Variants in DNAI1 observed in about 807,000 individuals in gnomAD.
DNAI1 encodes dynein axonemal intermediate chain 1.
Under a neutral mutation model 92.0 loss-of-function variants are expected in DNAI1, and 67 were observed. That is an observed-to-expected ratio of 0.73 (90% CI 0.60 to 0.89). The LOEUF (loss-of-function observed/expected upper bound fraction) is 0.89, where lower values mean the gene tolerates loss of function less well. Ranked by LOEUF, DNAI1 falls within the 40% of genes least tolerant of loss-of-function variation. The probability of loss-of-function intolerance (pLI) is 0.00; values close to 1 mark genes in which losing one functional copy is unlikely to be tolerated. For missense variants in DNAI1, 839 were observed against 866.6 expected (o/e 0.97, Z 0.40); for synonymous variants, 323 against 319.6 (o/e 1.01, Z -0.11).
In DNAI1 at chr9:34,490,081, T is replaced by A. The variant is rs2132061817; in HGVS notation, c.458T>A (p.Leu153Ter). The change falls in exon 6 of 20, where the codon TTA becomes TAA. Residue 153 changes from leucine (L) to a stop codon, truncating the protein, a stop_gained. Coordinates refer to ENST00000242317, the MANE Select transcript of DNAI1 (RefSeq NM_012144.4). LOFTEE classifies it high-confidence loss of function. ...NLEEDEEPKE[L>*]ETEPGSQTDV... Reference sequence around the variant, plus strand: ...GAAGAAGACGAAGAGCCCAAGGAGTTAGAAACTGAGCCTGGGAGTCAAACA... The same window carrying A: ...GAAGAAGACGAAGAGCCCAAGGAGTAAGAAACTGAGCCTGGGAGTCAAACA... 6.2e-7 allele frequency: 1 copy of A among 1,614,030 alleles called. No homozygotes were observed. Among genetic ancestry groups the A allele is most frequent in the African/African-American group, 1.3e-5 (1 of 75,014 alleles).
chr9:34,491,260 C>G, intron 7 of DNAI1: 1 of 597,802 alleles, frequency 1.7e-6, no homozygotes, highest in South Asian at 1.9e-5. Context: ...CACAGTCAGG[C>G]TTCCCTGCCC....
chr9:34,473,688 ATTGG>A (rs369367980), intron 1 of DNAI1, among the ~76,000 whole-genome samples: 428 of 151,994 alleles, frequency 2.8e-3, no homozygotes, highest in African/African-American at 9.4e-3. Flanking sequence ...AATACAATAT[ATTGG>A]TTGGTTGGTT....
chr9:34,501,826 A>T (rs1824837176), intron 12 of DNAI1, among the ~76,000 whole-genome samples: 1 of 152,112 alleles, frequency 6.6e-6, no homozygotes, highest in South Asian at 2.1e-4. Context: ...TGCTATCCAG[A>T]GTGTGCCCGC....
chr9:34,479,624 G>A (rs544665388), intron 1 of DNAI1, among the ~76,000 whole-genome samples: 5 of 152,180 alleles, frequency 3.3e-5, no homozygotes, highest in Non-Finnish European at 7.4e-5. Context: ...TGTGGTTTGG[G>A]TTGGGATTGG....
At chr9:34,517,095 T>C (rs1439658466) in intron 18 of DNAI1, among the ~76,000 whole-genome samples, 190 bp from the exon 19 acceptor site, 1 of 152,092 alleles carries the variant, frequency 6.6e-6, no homozygotes, top group African/African-American at 2.4e-5. Flanking sequence ...TCCTAAACTT[T>C]TTAATTCTCA....
chr9:34,458,888 C>G lies in DNAI1; in HGVS notation c.-118C>G. The G allele has an allele frequency of 3.4e-6, 3 of 877,106 alleles. No individual in the cohort carries two copies. Among genetic ancestry groups the G allele is most frequent in the Non-Finnish European group, 5.8e-6 (3 of 521,480 alleles). The allele number at this position is 877,106 out of a possible 1,614,324, so 54.3% of individuals were successfully genotyped here. The stretch of plus-strand genomic sequence containing the variant: ...ACAACGACGGCTGTCCCTAAAGAAC[C>G]GTTGCGACTGGTAACTGAAGTGGAA... On this transcript the variant is annotated 5_prime_UTR_variant, in exon 1 of 20. Transcript: ENST00000242317. The surrounding 1 kb of genome is among the most constrained non-coding windows in gnomAD (Gnocchi z 6.6).
chr9:34,464,182 A>C (rs1823996987), intron 1 of DNAI1, among the ~76,000 whole-genome samples: 1 of 152,116 alleles, frequency 6.6e-6, no homozygotes, highest in South Asian at 2.1e-4. Context: ...GTCTTCCCTC[A>C]TTCACTCGTG....
At chr9:34,500,582 C>T in intron 10 of DNAI1, 140 bp from the exon 11 acceptor site, 1 of 686,644 alleles carries the variant, frequency 1.5e-6, no homozygotes, top group Non-Finnish European at 2.7e-6. Context: ...CAACAGAACT[C>T]TGAGATAGGT....
intron 9 of DNAI1, among the ~76,000 whole-genome samples, chr9:34,496,273 C>G (rs940757005): frequency 2.6e-5 from 4 of 152,210 alleles, no homozygotes; most frequent in Non-Finnish European, 4.4e-5. Flanking sequence ...CGCTACCTGA[C>G]GCTGCTGTTT....
At chr9:34,480,555 C>T (rs1005391266) in intron 1 of DNAI1, among the ~76,000 whole-genome samples, 1 of 152,164 alleles carries the variant, frequency 6.6e-6, no homozygotes, top group Non-Finnish European at 1.5e-5. Context: ...GCATGAGCCA[C>T]CGCGCCTGGC....
chr9:34,467,619 G>C (rs960546112), intron 1 of DNAI1, among the ~76,000 whole-genome samples: 5 of 152,042 alleles, frequency 3.3e-5, no homozygotes, highest in African/African-American at 1.2e-4. Context: ...GGGCAACAGA[G>C]TGAGAACCTG....
Position 34,485,510 on chromosome 9 carries a change from G to A in DNAI1, c.254G>A (p.Ser85Asn). 1 of 1,614,094 alleles carries A rather than the reference G, an allele frequency of 6.2e-7. No homozygotes were observed. Among genetic ancestry groups the A allele is most frequent in the East Asian group, 2.2e-5 (1 of 44,878 alleles). ...PHAPQNIVRY[S>N]FKEGTYKPIG... ...GCACCCCAGAACATTGTCAGGTACA[G>A]CTTCAAAGTAAGTCATCCCCTCCTG... The change falls in exon 4 of 20, where the codon AGC becomes AAC. Residue 85 changes from serine (S) to asparagine (N), a missense_variant. Transcript: ENST00000242317.
rs1564031605 is a variant in DNAI1, at chr9:34,485,522, G to C, written c.261+5G>C. ...ATTGTCAGGTACAGCTTCAAAGTAAGTCATCCCCTCCTGGGCAGGGGCATC... is the reference window on the plus strand; with the variant it reads ...ATTGTCAGGTACAGCTTCAAAGTAACTCATCCCCTCCTGGGCAGGGGCATC... On this transcript the variant is annotated splice_donor_5th_base_variant and intron_variant, in intron 4 of 19. Coordinates refer to ENST00000242317, the MANE Select transcript of DNAI1 (RefSeq NM_012144.4). 6.2e-7 allele frequency: 1 copy of C among 1,614,020 alleles called. No individual in the cohort carries two copies. Among genetic ancestry groups the C allele is most frequent in the Non-Finnish European group, 8.5e-7 (1 of 1,179,952 alleles).
intron 18 of DNAI1, 82 bp downstream of exon 18, chr9:34,514,821 A>T: frequency 1.4e-6 from 2 of 1,445,076 alleles, no homozygotes; most frequent in Middle Eastern, 3.5e-4. Flanking sequence ...TGGAGAACCC[A>T]TCCCATGCCT....
chr9:34,469,287 A>G, intron 1 of DNAI1, among the ~76,000 whole-genome samples: 1 of 126,772 alleles, frequency 7.9e-6, no homozygotes. Context: ...TTTTTTTGAG[A>G]CAAGGTCCCA....
At chr9:34,500,693 AG>A (rs1224696518) in intron 10 of DNAI1, 28 bp from the exon 11 acceptor site, 5 of 1,567,216 alleles carry the variant, frequency 3.2e-6, no homozygotes, top group Non-Finnish European at 4.4e-6. Context: ...CGGCAGTCCC[AG>A]GGCTGACTCT....
chr9:34,491,681 C>T lies in DNAI1; in HGVS notation c.681+127C>T, dbSNP rs938391740. The T allele has an allele frequency of 7.1e-6, 7 of 990,914 alleles. No homozygotes were observed. In the Admixed American group the frequency reaches 9.9e-5, roughly 14 times the overall value. The allele number at this position is 990,914 out of a possible 1,614,324, so 61.4% of individuals were successfully genotyped here. On this transcript the variant is annotated intron_variant, in intron 8 of 19. Transcript: ENST00000242317. ...GTCTGCCCTCCTCATCTACTTGCCT[C>T]CCTGCTCACTGTCCTGAGCATCCAG...
chr9:34,506,471 C>G (rs1467166149), intron 12 of DNAI1, among the ~76,000 whole-genome samples, 156 bp from the exon 13 acceptor site: 1 of 152,184 alleles, frequency 6.6e-6, no homozygotes, highest in Non-Finnish European at 1.5e-5. Context: ...AATTCCACTT[C>G]ACAGATGGAA....
chr9:34,515,382 C>T (rs758046113), intron 18 of DNAI1, among the ~76,000 whole-genome samples: 29 of 152,214 alleles, frequency 1.9e-4, no homozygotes, highest in Admixed American at 7.2e-4. Context: ...TAAGGGCCAA[C>T]GATGGTGCCC....
Sources: allele counts gnomAD v4.1 joint callset (sites outside exome capture counted in the v4.1 genomes callset), GRCh38; gene constraint gnomAD v4.1.1; non-coding constraint Gnocchi (gnomAD v3.1); transcripts MANE v1.5; gene names NCBI Gene and HGNC (gene_info 2026-07-23, HGNC 2026-07-21).